The following COL11A1 variants were observed in gnomAD, a reference collection of about 807,000 sequenced individuals.
The protein encoded by COL11A1 is collagen alpha-1(XI) chain.
In COL11A1, 74 loss-of-function variants were observed where a neutral mutation model predicts 265.2. The observed-to-expected ratio is 0.28, with a 90% CI of 0.23 to 0.34. The LOEUF (loss-of-function observed/expected upper bound fraction) is 0.34, where lower values mean the gene tolerates loss of function less well. Among genes scored for constraint, COL11A1 ranks in the 10% least tolerant of loss-of-function variants. The probability of loss-of-function intolerance (pLI) is 1.00; values close to 1 mark genes in which losing one functional copy is unlikely to be tolerated. For missense variants in COL11A1, 2,165 were observed against 2,263.6 expected (o/e 0.96, Z 0.88); for synonymous variants, 816 against 727.6 (o/e 1.12, Z -1.96).
chr1:103,053,040 CAG>C (rs1362580786), intron 4 of COL11A1, among the ~76,000 whole-genome samples: 4 of 152,106 alleles, frequency 2.6e-5, no homozygotes, highest in African/African-American at 9.7e-5. Flanking sequence ...GTCATCAATA[CAG>C]AGACAATATT....
chr1:103,002,152 A>G (rs1358536998), intron 23 of COL11A1, among the ~76,000 whole-genome samples, 183 bp from the exon 24 acceptor site: 1 of 151,980 alleles, frequency 6.6e-6, no homozygotes, highest in Non-Finnish European at 1.5e-5. Flanking sequence ...TTTTTTGCAA[A>G]GGGACTATAA....
chr1:102,934,969 C>G (rs1657992269), intron 45 of COL11A1, 91 bp downstream of exon 45: 1 of 1,194,232 alleles, frequency 8.4e-7, no homozygotes, highest in Non-Finnish European at 1.2e-6. Context: ...AAACTTATTA[C>G]CCCACAAAAT....
At chr1:102,910,173 A>G (rs959072790) in intron 54 of COL11A1, among the ~76,000 whole-genome samples, 1 of 151,896 alleles carries the variant, frequency 6.6e-6, no homozygotes, top group Non-Finnish European at 1.5e-5. Context: ...TTATGTTTGC[A>G]TTAATACTCT....
intron 4 of COL11A1, among the ~76,000 whole-genome samples, chr1:103,036,418 G>A (rs1668380284): frequency 6.8e-6 from 1 of 146,068 alleles, no homozygotes; most frequent in African/African-American, 2.5e-5. Flanking sequence ...CATCATGTAT[G>A]TTTATAGTAC....
intron 5 of COL11A1, among the ~76,000 whole-genome samples, chr1:103,027,396 A>AAAATATATATATAT (rs1421941501): frequency 1.3e-4 from 12 of 92,072 alleles, no homozygotes; most frequent in South Asian, 3.8e-4. Context: ...TTAAAACTCT[A>AAAATATATATATAT]ATATATATAT....
chr1:103,032,355 T>C, intron 4 of COL11A1, among the ~76,000 whole-genome samples: 1 of 152,148 alleles, frequency 6.6e-6, no homozygotes, highest in East Asian at 1.9e-4. Flanking sequence ...TAATTCATTC[T>C]ACATTTATAC....
At chr1:102,998,286 A>C in intron 25 of COL11A1, 24 bp downstream of exon 25, 1 of 1,594,512 alleles carries the variant, frequency 6.3e-7, no homozygotes, top group East Asian at 2.2e-5. Context: ...AAGAAATTTT[A>C]ATGACCAGGT....
chr1:102,953,791 C>T (rs1395482594), intron 41 of COL11A1, among the ~76,000 whole-genome samples: 1 of 152,064 alleles, frequency 6.6e-6, no homozygotes, highest in Non-Finnish European at 1.5e-5. Context: ...AGGGCTTTTT[C>T]CACCATTAAT....
chr1:102,948,902 T>C (rs961032122), intron 41 of COL11A1, among the ~76,000 whole-genome samples: 1 of 151,916 alleles, frequency 6.6e-6, no homozygotes, highest in Non-Finnish European at 1.5e-5. Context: ...ACATTCAAAA[T>C]GAGCAACCCT....
chr1:102,884,781 T>C (rs188708374), intron 63 of COL11A1, among the ~76,000 whole-genome samples: 49 of 152,224 alleles, frequency 3.2e-4, no homozygotes, highest in African/African-American at 1.2e-3. Flanking sequence ...GGTCAAACCA[T>C]GCACTTGAAG....
chr1:102,913,820 T>C, intron 52 of COL11A1, 130 bp from the exon 53 acceptor site: 1 of 879,132 alleles, frequency 1.1e-6, no homozygotes, highest in Non-Finnish European at 1.9e-6. Flanking sequence ...AATCATTATA[T>C]TCTTTTAACC....
At chr1:102,879,997 G>GATTT in intron 65 of COL11A1, 81 bp from the exon 66 acceptor site, 11 of 919,592 alleles carry the variant, frequency 1.2e-5, no homozygotes, top group Non-Finnish European at 1.9e-5. Flanking sequence ...TGCAGACAGT[G>GATTT]AACTGTGATG....
intron 66 of COL11A1, among the ~76,000 whole-genome samples, chr1:102,879,129 G>T (rs1649912258): frequency 6.6e-6 from 1 of 152,036 alleles, no homozygotes; most frequent in Non-Finnish European, 1.5e-5. Flanking sequence ...CTAAAGCAAT[G>T]AACTTTTTAG....
In COL11A1 at chr1:102,894,932, T is replaced by C. The variant is rs1333895255; in HGVS notation, c.4302+3193A>G. On this transcript the variant is annotated intron_variant, in intron 57 of 66. Transcript: ENST00000370096. ...CTGGGATTACAGGCGTGAGCCACCA[T>C]GCCCAACCCTTATGTGCTATTTGTC... Among the ~76,000 whole-genome samples, 4 of 152,094 alleles carry C rather than the reference T, an allele frequency of 2.6e-5. No individual in the cohort carries two copies. The East Asian group carries it at 7.7e-4, about 29-fold the overall frequency.
chr1:102,913,359 A>G (rs1654920416), intron 53 of COL11A1, among the ~76,000 whole-genome samples: 1 of 152,212 alleles, frequency 6.6e-6, no homozygotes, highest in South Asian at 2.1e-4. Context: ...TTTTAACACA[A>G]TGGATAGATA....
At chr1:103,007,612 C>A (rs2101863602) in intron 15 of COL11A1, among the ~76,000 whole-genome samples, 1 of 152,202 alleles carries the variant, frequency 6.6e-6, no homozygotes, top group East Asian at 1.9e-4. Context: ...AATCCTAGCA[C>A]TTTCGGAGGC....
chr1:102,920,276 T>C (rs746824698), intron 49 of COL11A1, 35 bp downstream of exon 49: 11 of 1,582,124 alleles, frequency 7.0e-6, no homozygotes, highest in South Asian at 1.1e-5. Flanking sequence ...TCTTAATTCA[T>C]GCTGTTTCAA....
At chr1:103,018,999 T>G in intron 9 of COL11A1, 140 bp from the exon 10 acceptor site, 1 of 664,810 alleles carries the variant, frequency 1.5e-6, no homozygotes, top group South Asian at 2.3e-5. Context: ...ATTACAAATG[T>G]TTTTGCACAG....
chr1:103,027,338 T>G (rs1022651590), intron 5 of COL11A1, among the ~76,000 whole-genome samples: 5 of 144,308 alleles, frequency 3.5e-5, no homozygotes, highest in Non-Finnish European at 6.0e-5. Context: ...TAAAAATAAC[T>G]AAATACACTA....
Sources: allele counts gnomAD v4.1 joint callset (sites outside exome capture counted in the v4.1 genomes callset), GRCh38; gene constraint gnomAD v4.1.1; transcripts MANE v1.5; gene names NCBI Gene and HGNC (gene_info 2026-07-23, HGNC 2026-07-21).